Variants in AMPH observed in about 807,000 individuals in gnomAD.
The protein encoded by AMPH is amphiphysin.
In AMPH, 49 loss-of-function variants were observed where a neutral mutation model predicts 99.1. The ratio of observed to expected loss-of-function variants is 0.49; its 90% CI spans 0.39 to 0.63. The LOEUF is 0.63. Among genes scored for constraint, AMPH ranks in the 20% least tolerant of loss-of-function variants. The pLI is 0.00. For synonymous variants in AMPH, 314 were observed against 317.3 expected (o/e 0.99, Z 0.11); for missense variants, 759 against 863.4 (o/e 0.88, Z 1.52).
At chr7:38,395,638 C>G (rs1268670659) in intron 17 of AMPH, among the ~76,000 whole-genome samples, 2 of 152,166 alleles carry the variant, frequency 1.3e-5, no homozygotes, top group African/African-American at 4.8e-5. Flanking sequence ...ATCCGGGACA[C>G]ATATTTCAAA....
chr7:38,391,889 G>A lies in AMPH; in HGVS notation c.1737C>T (p.Ser579=), dbSNP rs1394615761. The change falls in exon 19 of 21, where the codon AGC becomes AGT. Residue 579 remains serine, a synonymous_variant. Transcript: ENST00000356264. ...GCTCCGTAGCCAGCTCCGGTGTCTC[G>A]CTGGTGGGGCCCGGAGGAGCCGCGT... is the stretch of plus-strand genomic sequence containing the variant. ...TEDAAPPGPT[S]ETPELATEQK... The A allele has an allele frequency of 2.5e-6, 4 of 1,612,498 alleles. No homozygotes were observed. The highest frequency in any genetic ancestry group is 2.2e-5 in the South Asian group (2 of 91,000).
chr7:38,486,751 TG>T, intron 5 of AMPH, among the ~76,000 whole-genome samples: 1 of 152,218 alleles, frequency 6.6e-6, no homozygotes, highest in East Asian at 1.9e-4. Flanking sequence ...GATTCATTCC[TG>T]GGATGCAAGA....
At chr7:38,431,590 A>G (rs1233174866) in intron 13 of AMPH, among the ~76,000 whole-genome samples, 1 of 151,178 alleles carries the variant, frequency 6.6e-6, no homozygotes, top group Non-Finnish European at 1.5e-5. Flanking sequence ...CGGGAGGCGG[A>G]GCTTGCAGTG....
chr7:38,463,003 G>A lies in AMPH; in HGVS notation c.860C>T (p.Ala287Val). 6.3e-7 allele frequency: 1 copy of A among 1,597,178 alleles called. No individual in the cohort carries two copies. The highest frequency in any genetic ancestry group is 1.1e-5 in the South Asian group (1 of 88,024). Residue 287 changes from alanine (A) to valine (V), a missense_variant, in exon 10 of 21, where the codon GCA becomes GTA. Ala to Val is a moderately conservative substitution (Grantham distance 64). Around this residue, in one of 2 missense-constraint regions of AMPH, gnomAD observed 554 missense variants for 575.6 expected, o/e 0.96. Coordinates refer to ENST00000356264, the MANE Select transcript of AMPH (RefSeq NM_001635.4). The part of the protein sequence containing the change: ...PNHTLAPASP[A>V]PARPRSPSQT... ...TGAAGGTGACCGAGGCCGTGCTGGT[G>A]CGGGAGACGCAGGTGCTAATGTATG...
At chr7:38,622,382 C>T (rs1164224959) in intron 1 of AMPH, among the ~76,000 whole-genome samples, 1 of 151,810 alleles carries the variant, frequency 6.6e-6, no homozygotes, top group Non-Finnish European at 1.5e-5. Flanking sequence ...CACAATATTT[C>T]CTGTTTGAAA....
chr7:38,387,043 C>A (rs1584023046), intron 20 of AMPH, among the ~76,000 whole-genome samples: 1 of 152,236 alleles, frequency 6.6e-6, no homozygotes, highest in African/African-American at 2.4e-5. Flanking sequence ...CTGGGCTGAC[C>A]CCCAAGCTGT....
At chr7:38,586,619 C>T (rs181193660) in intron 1 of AMPH, among the ~76,000 whole-genome samples, 2 of 152,258 alleles carry the variant, frequency 1.3e-5, no homozygotes, top group African/African-American at 2.4e-5. Context: ...AAGGAGGGGT[C>T]TAGAGCTGAT....
rs186672738 is a variant in AMPH, at chr7:38,605,794, C to G, written c.69+25489G>C. 4.3e-4 allele frequency among the ~76,000 whole-genome samples: 66 copies of G among 152,194 alleles called. No individual in the cohort carries two copies. In the East Asian group the frequency reaches 8.5e-3, roughly 20 times the overall value. On this transcript the variant is annotated intron_variant, in intron 1 of 20. Coordinates refer to ENST00000356264, the MANE Select transcript of AMPH (RefSeq NM_001635.4). ...ACAGGGTTTCACTATGTTGGCCAGG[C>G]TAGTCTCAAACTTCTGACCTCAGGT...
chr7:38,549,935 T>C (rs1791121405), intron 1 of AMPH, among the ~76,000 whole-genome samples: 1 of 152,254 alleles, frequency 6.6e-6, no homozygotes, highest in Non-Finnish European at 1.5e-5. Context: ...TCTAAAACTT[T>C]AGGTTTTGTT....
intron 12 of AMPH, 57 bp from the exon 13 acceptor site, chr7:38,432,269 T>G: frequency 1.3e-6 from 2 of 1,493,780 alleles, no homozygotes; most frequent in Non-Finnish European, 1.9e-6. Flanking sequence ...CATAAAAAAA[T>G]GCTGAGGTGA....
At chr7:38,420,714 A>G (rs1217414062) in intron 16 of AMPH, among the ~76,000 whole-genome samples, 2 of 152,142 alleles carry the variant, frequency 1.3e-5, no homozygotes, top group African/African-American at 4.8e-5. Context: ...GTCACATCCA[A>G]TGTGGCCTTG....
At position 38,483,738 on chromosome 7, in the gene AMPH, T is replaced by C. The variant is rs77227539; in HGVS notation, c.397-6769A>G. ...TTTGTCTAATATGAAGATATCAACA[T>C]AGAGAACCAAGGTAAATTTAAAAAC... On this transcript the variant is annotated intron_variant, in intron 5 of 20. Coordinates refer to ENST00000356264, the MANE Select transcript of AMPH (RefSeq NM_001635.4). Among the ~76,000 whole-genome samples the C allele has an allele frequency of 4.1e-3, 624 of 152,190 alleles. 6 individuals are homozygous for C. Among genetic ancestry groups the C allele is most frequent in the African/African-American group, 0.014 (599 of 41,550 alleles).
At chr7:38,406,725 C>T (rs374239318) in intron 17 of AMPH, among the ~76,000 whole-genome samples, 2,617 of 57,804 alleles carry the variant, frequency 0.045, 65 homozygotes, top group South Asian at 0.069. Flanking sequence ...TCTCTCTCTC[C>T]CTTTCCCTCT....
chr7:38,538,043 A>T (rs544145514), intron 1 of AMPH, among the ~76,000 whole-genome samples: 1 of 152,316 alleles, frequency 6.6e-6, no homozygotes, highest in African/African-American at 2.4e-5. Context: ...GCAGGCAAAA[A>T]GTGCATTAAA....
At chr7:38,418,466 T>C (rs559113532) in intron 16 of AMPH, among the ~76,000 whole-genome samples, 8 of 152,118 alleles carry the variant, frequency 5.3e-5, no homozygotes, top group Non-Finnish European at 1.2e-4. Context: ...TGAATATGCA[T>C]TGCACCAAAA....
At chr7:38,599,136 T>C (rs550333925) in intron 1 of AMPH, among the ~76,000 whole-genome samples, 88 of 152,352 alleles carry the variant, frequency 5.8e-4, no homozygotes, top group African/African-American at 2.1e-3. Context: ...TTTCAATTAT[T>C]TTCTAATTCT....
chr7:38,400,159 T>C (rs1222759946), intron 17 of AMPH, among the ~76,000 whole-genome samples: 1 of 152,156 alleles, frequency 6.6e-6, no homozygotes, highest in African/African-American at 2.4e-5. Flanking sequence ...CACTGCAACC[T>C]CCGCCCCCCA....
intron 1 of AMPH, among the ~76,000 whole-genome samples, chr7:38,627,634 G>C (rs536771389): frequency 2.6e-5 from 3 of 114,882 alleles, no homozygotes; most frequent in African/African-American, 1.1e-4. Context: ...CAGCCTGGGT[G>C]ACAGAGCGAG....
At chr7:38,515,536 G>T (rs117869120) in intron 2 of AMPH, among the ~76,000 whole-genome samples, 7 of 152,172 alleles carry the variant, frequency 4.6e-5, no homozygotes, top group Middle Eastern at 3.2e-3. Flanking sequence ...CTGTGGAACT[G>T]TGAACCAATT....
Sources: allele counts gnomAD v4.1 joint callset (sites outside exome capture counted in the v4.1 genomes callset), GRCh38; gene constraint gnomAD v4.1.1; regional missense constraint gnomAD v4.1.1; transcripts MANE v1.5; gene names NCBI Gene and HGNC (gene_info 2026-07-23, HGNC 2026-07-21).